The following PLXNA4 variants were observed in gnomAD, a reference collection of about 807,000 sequenced individuals.
PLXNA4 encodes plexin-A4.
A neutral mutation model predicts 191.8 loss-of-function variants in PLXNA4; 44 were observed. That is an observed-to-expected ratio of 0.23 (90% CI 0.18 to 0.29). The LOEUF (loss-of-function observed/expected upper bound fraction) is 0.29. Among genes scored for constraint, PLXNA4 ranks in the 10% least tolerant of loss-of-function variants. PLXNA4 has a pLI of 1.00. For synonymous variants in PLXNA4, 1,082 were observed against 1,009.5 expected, an observed-to-expected ratio of 1.07 and a Z score of -1.36; for missense variants, 1,800 against 2,488.8, an observed-to-expected ratio of 0.72 and a Z score of 5.89.
intron 7 of PLXNA4, 40 bp from the exon 8 acceptor site, chr7:132,226,300 GC>G: frequency 6.5e-7 from 1 of 1,542,824 alleles, no homozygotes; most frequent in Non-Finnish European, 8.9e-7. Context: ...GAATGCTGAG[GC>G]CCCAAGCCAG....
In PLXNA4 at chr7:132,139,926, C is replaced by T. The variant is rs371865687; in HGVS notation, c.5438+673G>A. Among the ~76,000 whole-genome samples, 21 of 152,304 alleles carry T rather than the reference C, an allele frequency of 1.4e-4. 1 individual carries two copies. In the East Asian group the frequency reaches 3.1e-3, roughly 22 times the overall value. ...CTGGTTGCTTAGTTCAGGTGCTTGG[C>T]GTATGGAGCTGATGTGGCTCAGACA... is the stretch of plus-strand genomic sequence containing the variant. On this transcript the variant is annotated intron_variant, in intron 30 of 31. Coordinates refer to ENST00000321063, the MANE Select transcript of PLXNA4 (RefSeq NM_020911.2).
chr7:132,151,412 G>A lies in PLXNA4; in HGVS notation c.4661-2766C>T, dbSNP rs1232043663. Among the ~76,000 whole-genome samples, 22 of 5,260 alleles carry A rather than the reference G, an allele frequency of 4.2e-3. 1 individual carries two copies. The highest frequency in any genetic ancestry group is 0.016 in the African/African-American group (13 of 818). 3.5% of individuals were successfully genotyped at this position (5,260 alleles called of 152,430 possible). On this transcript the variant is annotated intron_variant, in intron 25 of 31. Transcript: ENST00000321063. ...AGAAAGGAGGAGGAGGAGGAGGAAG[G>A]AGGAGGAGGAGGAGGAGGAAGGAGG... is the stretch of plus-strand genomic sequence containing the variant.
rs1281891181 is a variant in PLXNA4 at position 132,640,257 on chromosome 7, A to G, written c.-87+5671T>C. The stretch of plus-strand genomic sequence containing the variant: ...AGTGACCAGAGAAGACATGATCAGC[A>G]TAGAACTGACAACCAAAGAAGTTAT... On this transcript the variant is annotated intron_variant, in intron 2 of 4. Transcript: ENST00000378539. Among the ~76,000 whole-genome samples, 4 of 152,230 alleles carry G rather than the reference A, an allele frequency of 2.6e-5. No homozygotes were observed. The East Asian group carries it at 5.8e-4, about 22-fold the overall frequency.
At chr7:132,177,245 G>T (rs1796506231) in intron 20 of PLXNA4, among the ~76,000 whole-genome samples, 1 of 152,234 alleles carries the variant, frequency 6.6e-6, no homozygotes, top group Admixed American at 6.5e-5. Context: ...GTCAGTGAGG[G>T]TGTGTGGGCC....
At chr7:132,191,608 G>A (rs993089514) in intron 14 of PLXNA4, among the ~76,000 whole-genome samples, 1 of 152,186 alleles carries the variant, frequency 6.6e-6, no homozygotes, top group Non-Finnish European at 1.5e-5. Flanking sequence ...AAGAACCTCA[G>A]GATGGAAAGC....
At chr7:132,566,775 C>A (rs775129882) in intron 1 of PLXNA4, among the ~76,000 whole-genome samples, 3 of 152,160 alleles carry the variant, frequency 2.0e-5, no homozygotes, top group Non-Finnish European at 4.4e-5. Context: ...ATGAAATATA[C>A]ACCTGAAGGC....
chr7:132,472,412 T>G (rs1000460523), intron 3 of PLXNA4, among the ~76,000 whole-genome samples: 1 of 152,250 alleles, frequency 6.6e-6, no homozygotes, highest in Non-Finnish European at 1.5e-5. Context: ...GATTATCATA[T>G]TTTTAATTCC....
chr7:132,574,728 G>A (rs1176561281), intron 1 of PLXNA4, among the ~76,000 whole-genome samples: 1 of 152,190 alleles, frequency 6.6e-6, no homozygotes, highest in Non-Finnish European at 1.5e-5. Flanking sequence ...CTCCCGGGGT[G>A]TCTGCGCTTC....
intron 3 of PLXNA4, among the ~76,000 whole-genome samples, chr7:132,474,864 ATTTGT>A (rs1797068615): frequency 1.3e-5 from 2 of 152,228 alleles, no homozygotes; most frequent in South Asian, 2.1e-4. Context: ...CATCTTCTTA[ATTTGT>A]TTTAATTTTT....
rs1342374139 is a variant in PLXNA4 at position 132,147,943 on chromosome 7, T to G, written c.4821A>C (p.Ala1607=). 6.2e-7 allele frequency: 1 copy of G among 1,614,046 alleles called. No homozygotes were observed. Among genetic ancestry groups the G allele is most frequent in the African/African-American group, 1.3e-5 (1 of 74,906 alleles). Residue 1607 remains alanine, a synonymous_variant, in exon 27 of 32, where the codon GCA becomes GCC. Transcript: ENST00000321063. ...TCCTGGAGACGGTGGAGTTGTTCAC[T>G]GCGTTATAGGCTGTCACCTGCTTGG... ...LVSKQVTAYN[A]VNNSTVSRTS...
chr7:132,240,580 C>T (rs1798844169), intron 5 of PLXNA4, among the ~76,000 whole-genome samples: 1 of 152,170 alleles, frequency 6.6e-6, no homozygotes, highest in Non-Finnish European at 1.5e-5. Flanking sequence ...ACCAGAAAAT[C>T]CTTTGGAGCT....
intron 3 of PLXNA4, among the ~76,000 whole-genome samples, chr7:132,454,613 T>G (rs923923974): frequency 1.3e-5 from 2 of 152,060 alleles, no homozygotes; most frequent in African/African-American, 2.4e-5. Context: ...TACCTCTGAA[T>G]GTGACTGTAT....
chr7:132,535,480 G>T (rs6947961), intron 1 of PLXNA4, among the ~76,000 whole-genome samples: 1 of 152,102 alleles, frequency 6.6e-6, no homozygotes, highest in Non-Finnish European at 1.5e-5. Context: ...GCCAATGAGC[G>T]TATCTCCCCT....
At chr7:132,302,784 T>A (rs562240213) in intron 3 of PLXNA4, among the ~76,000 whole-genome samples, 3 of 152,192 alleles carry the variant, frequency 2.0e-5, no homozygotes, top group East Asian at 1.9e-4. Flanking sequence ...GAAGACACAC[T>A]GACCAGTGGC....
At chr7:132,233,341 C>T (rs2117004925) in intron 5 of PLXNA4, among the ~76,000 whole-genome samples, 1 of 152,236 alleles carries the variant, frequency 6.6e-6, no homozygotes, top group South Asian at 2.1e-4. Flanking sequence ...GTATAGGATC[C>T]TTCCTAGGCA....
chr7:132,385,274 G>T (rs1805076563), intron 3 of PLXNA4: 1 of 1,613,566 alleles, frequency 6.2e-7, no homozygotes, highest in African/African-American at 1.3e-5. Flanking sequence ...TCAAGGGTAG[G>T]GCAGAGGCTG....
chr7:132,430,961 GT>G (rs1795238882), intron 3 of PLXNA4, among the ~76,000 whole-genome samples: 1 of 152,196 alleles, frequency 6.6e-6, no homozygotes, highest in African/African-American at 2.4e-5. Flanking sequence ...GGTGGGACTT[GT>G]AAAGTGATTC....
At chr7:132,612,212 G>C (rs1803061375) in intron 2 of PLXNA4, among the ~76,000 whole-genome samples, 1 of 152,142 alleles carries the variant, frequency 6.6e-6, no homozygotes, top group Non-Finnish European at 1.5e-5. Flanking sequence ...ACACCTAACT[G>C]CAGAGGACAC....
At chr7:132,202,509 T>C in intron 12 of PLXNA4, 137 bp downstream of exon 12, 1 of 905,336 alleles carries the variant, frequency 1.1e-6, no homozygotes, top group Non-Finnish European at 1.5e-6. Context: ...TAGGGTGCCA[T>C]CCAGCCAGGC....
Sources: gnomAD v4.1 joint callset for allele counts (sites outside exome capture counted in the v4.1 genomes callset) on GRCh38, gnomAD v4.1.1 for gene constraint, MANE v1.5 for transcripts, NCBI Gene and HGNC (gene_info 2026-07-23, HGNC 2026-07-21) for gene names.